Variants in STPG2 observed in about 807,000 individuals in gnomAD.
STPG2 encodes sperm tail PG-rich repeat containing 2, also known as sperm-tail PG-rich repeat-containing protein 2.
STPG2 carries 56 observed loss-of-function variants against 54.2 expected under a neutral mutation model. That is an observed-to-expected ratio of 1.03 (90% CI 0.83 to 1.29). The LOEUF (loss-of-function observed/expected upper bound fraction) is 1.29. Ranked by LOEUF, STPG2 falls within the 50% of genes most tolerant of loss-of-function variation. The probability of loss-of-function intolerance (pLI) is 0.00; values close to 1 mark genes in which losing one functional copy is unlikely to be tolerated. For synonymous variants in STPG2, 200 were observed against 181.8 expected (o/e 1.10, Z -0.81); for missense variants, 596 against 544.9 (o/e 1.09, Z -0.93).
intron 3 of STPG2, among the ~76,000 whole-genome samples, chr4:98,118,100 A>G (rs1280337654): frequency 6.6e-6 from 1 of 152,166 alleles, no homozygotes. Flanking sequence ...CTAATTCTCT[A>G]AACTCTGTAT....
intron 10 of STPG2, among the ~76,000 whole-genome samples, chr4:97,631,039 A>T (rs1007774230): frequency 6.6e-6 from 1 of 151,898 alleles, no homozygotes; most frequent in Non-Finnish European, 1.5e-5. Context: ...TACTCTGAAA[A>T]TGATAACAAG....
At chr4:97,745,144 G>A (rs1242311358) in intron 9 of STPG2, among the ~76,000 whole-genome samples, 7 of 149,800 alleles carry the variant, frequency 4.7e-5, no homozygotes, top group Admixed American at 6.7e-5. Flanking sequence ...TATAAATTAC[G>A]AACTTGTATT....
chr4:97,974,714 T>A (rs1734446260), intron 6 of STPG2, among the ~76,000 whole-genome samples: 1 of 152,180 alleles, frequency 6.6e-6, no homozygotes, highest in Non-Finnish European at 1.5e-5. Flanking sequence ...ATGTGCCTTT[T>A]ATCTTCCACC....
intron 4 of STPG2, among the ~76,000 whole-genome samples, chr4:97,485,964 T>C (rs543746901): frequency 6.1e-4 from 92 of 151,998 alleles, no homozygotes; most frequent in Middle Eastern, 3.4e-3. Context: ...TTTCAACAAA[T>C]TGTGTTGGGA....
chr4:97,759,013 C>A (rs1299935547), intron 9 of STPG2, among the ~76,000 whole-genome samples: 1 of 152,032 alleles, frequency 6.6e-6, no homozygotes, highest in Non-Finnish European at 1.5e-5. Context: ...TAAATTCTTG[C>A]TGATGAGAAA....
At chr4:98,066,920 A>G (rs1443472441) in intron 5 of STPG2, among the ~76,000 whole-genome samples, 1 of 152,200 alleles carries the variant, frequency 6.6e-6, no homozygotes, top group African/African-American at 2.4e-5. Context: ...TAAATATATA[A>G]TATGTATTCA....
At chr4:97,600,377 C>A (rs963331873) in intron 10 of STPG2, among the ~76,000 whole-genome samples, 5 of 152,106 alleles carry the variant, frequency 3.3e-5, no homozygotes, top group African/African-American at 7.2e-5. Flanking sequence ...GTCCTTTCTT[C>A]AAAGGGCTTA....
At chr4:97,583,468 T>C (rs1333988800) in intron 10 of STPG2, among the ~76,000 whole-genome samples, 1 of 151,944 alleles carries the variant, frequency 6.6e-6, no homozygotes, top group African/African-American at 2.4e-5. Flanking sequence ...GGAAAATATA[T>C]TTGCTTAACC....
intron 4 of STPG2, among the ~76,000 whole-genome samples, chr4:97,544,983 C>A (rs1731802760): frequency 1.3e-5 from 2 of 152,044 alleles, no homozygotes; most frequent in South Asian, 2.1e-4. Context: ...AGCTTCCCAA[C>A]GTGTGCTCTA....
At chr4:98,100,969 C>A (rs531955599) in intron 5 of STPG2, among the ~76,000 whole-genome samples, 11 of 152,226 alleles carry the variant, frequency 7.2e-5, no homozygotes, top group Admixed American at 3.9e-4. Context: ...AGCCACTGCA[C>A]CCCGCCTCCT....
chr4:97,988,411 T>C (rs1312691415), intron 5 of STPG2, among the ~76,000 whole-genome samples: 1 of 152,208 alleles, frequency 6.6e-6, no homozygotes, highest in East Asian at 1.9e-4. Flanking sequence ...ATTTTCTTTT[T>C]CTGTTTGGCT....
chr4:98,052,009 C>A (rs988846443), intron 5 of STPG2, among the ~76,000 whole-genome samples: 1 of 151,118 alleles, frequency 6.6e-6, no homozygotes, highest in Non-Finnish European at 1.5e-5. Flanking sequence ...ATCATTTGAA[C>A]ACGGGAGGCG....
intron 8 of STPG2, among the ~76,000 whole-genome samples, chr4:97,904,345 C>T (rs1334479934): frequency 6.6e-6 from 1 of 152,222 alleles, no homozygotes; most frequent in Non-Finnish European, 1.5e-5. Context: ...GGCAGACTGA[C>T]ACCTCACACG....
chr4:97,821,479 C>A (rs1377709913), intron 9 of STPG2, among the ~76,000 whole-genome samples: 1 of 152,168 alleles, frequency 6.6e-6, no homozygotes, highest in African/African-American at 2.4e-5. Flanking sequence ...ATCTGGAGGA[C>A]AATGGCCCCC....
At chr4:98,119,054 A>G (rs956388169) in intron 3 of STPG2, among the ~76,000 whole-genome samples, 4 of 152,196 alleles carry the variant, frequency 2.6e-5, no homozygotes, top group African/African-American at 9.6e-5. Flanking sequence ...AAACTGGTTC[A>G]GGAATCATCA....
intron 10 of STPG2, among the ~76,000 whole-genome samples, chr4:97,705,812 C>A (rs889400660): frequency 6.6e-6 from 1 of 151,698 alleles, no homozygotes; most frequent in African/African-American, 2.4e-5. Flanking sequence ...TCATTTTGGA[C>A]TCAGAGCCTA....
At chr4:98,045,080 C>A (rs1386831563) in intron 5 of STPG2, among the ~76,000 whole-genome samples, 3 of 150,642 alleles carry the variant, frequency 2.0e-5, no homozygotes, top group Non-Finnish European at 4.4e-5. Context: ...CCAGCACCTT[C>A]CTACAGAGAT....
intron 3 of STPG2, among the ~76,000 whole-genome samples, chr4:98,125,558 C>A (rs2110159581): frequency 9.3e-3 from 1 of 108 alleles, no homozygotes; most frequent in South Asian, 0.12. Context: ...AAGCTCTGTC[C>A]CAGAGGGCAC....
intron 5 of STPG2, among the ~76,000 whole-genome samples, chr4:98,099,435 T>C (rs576978039): frequency 6.6e-6 from 1 of 152,200 alleles, no homozygotes; most frequent in South Asian, 2.1e-4. Flanking sequence ...CTCACATAGA[T>C]AGATCACAGA....
Sources: gnomAD v4.1 joint callset for allele counts (sites outside exome capture counted in the v4.1 genomes callset) on GRCh38, gnomAD v4.1.1 for gene constraint, MANE v1.5 for transcripts, NCBI Gene and HGNC (gene_info 2026-07-23, HGNC 2026-07-21) for gene names.